The following GIPC2 variants were observed in gnomAD, a reference collection of about 807,000 sequenced individuals.
GIPC2 encodes PDZ domain-containing protein GIPC2.
Under a neutral mutation model 30.6 loss-of-function variants are expected in GIPC2, and 30 were observed. The observed-to-expected ratio is 0.98, with a 90% CI of 0.73 to 1.33. The LOEUF (loss-of-function observed/expected upper bound fraction) is 1.33. Among genes scored for constraint, GIPC2 ranks in the 40% most tolerant of loss-of-function variants. GIPC2 has a pLI of 0.00. For synonymous variants in GIPC2, 167 were observed against 150.0 expected, an observed-to-expected ratio of 1.11 and a Z score of -0.83; for missense variants, 414 against 390.3, an observed-to-expected ratio of 1.06 and a Z score of -0.51.
intron 1 of GIPC2, among the ~76,000 whole-genome samples, chr1:78,069,990 C>A (rs1661587648): frequency 6.6e-6 from 1 of 152,102 alleles, no homozygotes; most frequent in Non-Finnish European, 1.5e-5. Context: ...TGCTTACTTT[C>A]CAATTTTCCA....
intron 2 of GIPC2, among the ~76,000 whole-genome samples, chr1:78,087,308 G>T (rs1661948764): frequency 6.6e-6 from 1 of 152,118 alleles, no homozygotes; most frequent in Admixed American, 6.6e-5. Context: ...TAAGCAAAAA[G>T]AACAAAGCTG....
intron 3 of GIPC2, among the ~76,000 whole-genome samples, chr1:78,102,421 A>G (rs935805536): frequency 6.6e-6 from 1 of 152,256 alleles, no homozygotes; most frequent in South Asian, 2.1e-4. Context: ...AGACATTTCA[A>G]ACATTTAAAA....
chr1:78,128,533 T>G (rs1662827623), intron 5 of GIPC2, among the ~76,000 whole-genome samples: 1 of 152,214 alleles, frequency 6.6e-6, no homozygotes, highest in Admixed American at 6.5e-5. Flanking sequence ...TAAATCAAAT[T>G]TAGAATAGAA....
At chr1:78,091,979 A>C in intron 2 of GIPC2, 4 of 1,300,904 alleles carry the variant, frequency 3.1e-6, no homozygotes, top group Non-Finnish European at 4.5e-6. Flanking sequence ...GAAGAACTTC[A>C]ACCCCACAGT....
chr1:78,078,839 A>G (rs1276486285), intron 1 of GIPC2, among the ~76,000 whole-genome samples: 6 of 78,500 alleles, frequency 7.6e-5, no homozygotes, highest in African/African-American at 1.1e-4. Flanking sequence ...GATTCACCGG[A>G]AAAAAAAAAA....
chr1:78,045,989 G>T lies in GIPC2; in HGVS notation c.-106G>T. 1.4e-6 allele frequency: 2 copies of T among 1,383,128 alleles called. No homozygotes were observed. 85.7% of individuals were successfully genotyped at this position (1,383,128 alleles called of 1,614,324 possible). ...CCAGGCGGAAGCGCGGCTGCCATTGGAGGCTGCTTTTACCTGCGCGGGGCC... is the reference window on the plus strand; with the variant it reads ...CCAGGCGGAAGCGCGGCTGCCATTGTAGGCTGCTTTTACCTGCGCGGGGCC... On this transcript the variant is annotated 5_prime_UTR_variant, in exon 1 of 6. Coordinates refer to ENST00000370759, the MANE Select transcript of GIPC2 (RefSeq NM_017655.6).
chr1:78,114,992 C>A (rs1252180894), intron 3 of GIPC2, among the ~76,000 whole-genome samples: 1 of 152,118 alleles, frequency 6.6e-6, no homozygotes, highest in African/African-American at 2.4e-5. Flanking sequence ...AATGAAAAGT[C>A]TTCTATGCTA....
chr1:78,105,137 G>A (rs1662320485), intron 3 of GIPC2, among the ~76,000 whole-genome samples: 1 of 152,050 alleles, frequency 6.6e-6, no homozygotes, highest in Non-Finnish European at 1.5e-5. Flanking sequence ...TTCTACTCTA[G>A]TTGTAAACTT....
intron 3 of GIPC2, among the ~76,000 whole-genome samples, chr1:78,104,336 C>CT (rs947146191): frequency 1.3e-5 from 2 of 152,086 alleles, no homozygotes; most frequent in Admixed American, 6.5e-5. Flanking sequence ...TCTGAAAACT[C>CT]TTATTTTTCA....
chr1:78,078,281 T>C (rs1661756931), intron 1 of GIPC2, among the ~76,000 whole-genome samples: 1 of 151,960 alleles, frequency 6.6e-6, no homozygotes, highest in African/African-American at 2.4e-5. Flanking sequence ...TTTCTAGACC[T>C]TTATCATATA....
Position 78,136,068 on chromosome 1 carries a change from TA to T in GIPC2, c.*328del, listed in dbSNP as rs1662997745. On this transcript the variant is annotated 3_prime_UTR_variant, in exon 6 of 6. Coordinates refer to ENST00000370759, the MANE Select transcript of GIPC2 (RefSeq NM_017655.6). The stretch of plus-strand genomic sequence containing the variant: ...ATACCCATGCTTTGTTTTTCACATA[TA>T]AATAGATGATTTCAATAGCTTTGTA... 1 of 182,794 alleles carries T rather than the reference TA, an allele frequency of 5.5e-6. No individual in the cohort carries two copies. The allele number at this position is 182,794 out of a possible 1,614,324, so 11.3% of individuals were successfully genotyped here.
chr1:78,072,241 A>G (rs557823680), intron 1 of GIPC2, among the ~76,000 whole-genome samples: 1 of 152,350 alleles, frequency 6.6e-6, no homozygotes, highest in East Asian at 1.9e-4. Context: ...TGATTTTGAA[A>G]AAAGTCCTTG....
intron 1 of GIPC2, among the ~76,000 whole-genome samples, chr1:78,070,452 A>G (rs1021945031): frequency 6.6e-6 from 1 of 152,130 alleles, no homozygotes; most frequent in African/African-American, 2.4e-5. Context: ...TTGGCATGCA[A>G]TGTTGCAGCA....
chr1:78,108,847 T>C (rs1662408839), intron 3 of GIPC2, among the ~76,000 whole-genome samples: 1 of 152,214 alleles, frequency 6.6e-6, no homozygotes, highest in Non-Finnish European at 1.5e-5. Flanking sequence ...GCCTCATTAC[T>C]TGGACAGAAT....
intron 3 of GIPC2, among the ~76,000 whole-genome samples, chr1:78,111,980 A>G (rs983557124): frequency 2.0e-5 from 3 of 152,348 alleles, no homozygotes; most frequent in Middle Eastern, 3.4e-3. Context: ...ATCAGAATGC[A>G]ATTGAGAGCA....
chr1:78,096,480 T>C (rs1433948748), intron 3 of GIPC2, among the ~76,000 whole-genome samples: 1 of 151,386 alleles, frequency 6.6e-6, no homozygotes, highest in African/African-American at 2.4e-5. Context: ...GTTTCCAGAG[T>C]AAATTTTTCT....
chr1:78,071,798 G>T (rs1291155335), intron 1 of GIPC2, among the ~76,000 whole-genome samples: 1 of 152,078 alleles, frequency 6.6e-6, no homozygotes, highest in East Asian at 1.9e-4. Context: ...GAAAAAGCCC[G>T]AATTCTAGTT....
At chr1:78,097,818 A>C (rs1662166294) in intron 3 of GIPC2, among the ~76,000 whole-genome samples, 1 of 152,176 alleles carries the variant, frequency 6.6e-6, no homozygotes, top group Non-Finnish European at 1.5e-5. Flanking sequence ...GGAACCATTC[A>C]TGGCACTGGC....
chr1:78,052,690 A>G (rs1353897631), intron 1 of GIPC2, among the ~76,000 whole-genome samples: 2 of 152,200 alleles, frequency 1.3e-5, no homozygotes, highest in East Asian at 1.9e-4. Context: ...TATTACAGTC[A>G]AGCTAATTAA....
Sources: gnomAD v4.1 joint callset for allele counts (sites outside exome capture counted in the v4.1 genomes callset) on GRCh38, gnomAD v4.1.1 for gene constraint, MANE v1.5 for transcripts, NCBI Gene and HGNC (gene_info 2026-07-23, HGNC 2026-07-21) for gene names.